Variants in PEBP4 observed in about 807,000 individuals in gnomAD.
PEBP4 encodes the protein phosphatidylethanolamine binding protein 4.
A neutral mutation model predicts 23.9 loss-of-function variants in PEBP4; 22 were observed. The ratio of observed to expected loss-of-function variants is 0.92; its 90% CI spans 0.66 to 1.31. The LOEUF is 1.31. Among genes scored for constraint, PEBP4 ranks in the 40% most tolerant of loss-of-function variants. The probability of loss-of-function intolerance (pLI) is 0.00; values close to 1 mark genes in which losing one functional copy is unlikely to be tolerated. For synonymous variants in PEBP4, 112 were observed against 99.3 expected (o/e 1.13, Z -0.76); for missense variants, 324 against 281.7 (o/e 1.15, Z -1.07).
chr8:22,753,797 T>A (rs1805317865), intron 4 of PEBP4, among the ~76,000 whole-genome samples: 1 of 152,096 alleles, frequency 6.6e-6, no homozygotes, highest in Non-Finnish European at 1.5e-5. Flanking sequence ...TCCCCGCCCT[T>A]GTGTGGGAGG....
intron 3 of PEBP4, among the ~76,000 whole-genome samples, chr8:22,847,469 C>T (rs1165471385): frequency 6.6e-6 from 1 of 152,132 alleles, no homozygotes; most frequent in Non-Finnish European, 1.5e-5. Context: ...GCAGGAAGAC[C>T]CCCAAGGGAC....
chr8:22,730,694 C>T (rs1804711529), intron 4 of PEBP4, among the ~76,000 whole-genome samples: 2 of 152,176 alleles, frequency 1.3e-5, no homozygotes, highest in South Asian at 4.1e-4. Flanking sequence ...TAGGAAAGTG[C>T]CCTGGGAGGA....
At chr8:22,721,886 C>A (rs1357331967) in intron 6 of PEBP4, among the ~76,000 whole-genome samples, 1 of 152,162 alleles carries the variant, frequency 6.6e-6, no homozygotes, top group Non-Finnish European at 1.5e-5. Flanking sequence ...CAGAGAGCAC[C>A]AGGCCCTGAG....
intron 3 of PEBP4, among the ~76,000 whole-genome samples, chr8:22,819,444 G>T (rs1310914335): frequency 6.6e-6 from 1 of 152,196 alleles, no homozygotes; most frequent in Non-Finnish European, 1.5e-5. Context: ...TATTTGGCTG[G>T]AATAGGCTGA....
At chr8:22,916,936 G>C (rs1413772856) in intron 3 of PEBP4, among the ~76,000 whole-genome samples, 1 of 152,208 alleles carries the variant, frequency 6.6e-6, no homozygotes, top group African/African-American at 2.4e-5. Flanking sequence ...AGGGATGTAG[G>C]TGGAGCCCAG....
chr8:22,807,881 A>G (rs1806533191), intron 4 of PEBP4, among the ~76,000 whole-genome samples: 2 of 150,906 alleles, frequency 1.3e-5, no homozygotes, highest in South Asian at 4.2e-4. Flanking sequence ...CTATCCATCC[A>G]TCCATCCATC....
At chr8:22,778,611 C>T (rs118108226) in intron 4 of PEBP4, among the ~76,000 whole-genome samples, 10 of 152,164 alleles carry the variant, frequency 6.6e-5, no homozygotes, top group African/African-American at 2.2e-4. Context: ...GCCTGTGATC[C>T]GGGGATGGGA....
intron 2 of PEBP4, chr8:22,925,019 C>T: frequency 2.0e-6 from 2 of 985,324 alleles, no homozygotes; most frequent in South Asian, 4.7e-5. Flanking sequence ...GGATCTCTTG[C>T]CAAGGTCAGA....
At chr8:22,776,351 G>A (rs7013223) in intron 4 of PEBP4, among the ~76,000 whole-genome samples, 1 of 152,082 alleles carries the variant, frequency 6.6e-6, no homozygotes, top group African/African-American at 2.4e-5. Flanking sequence ...AGAGGCCAAT[G>A]TATGTTGACG....
chr8:22,929,403 T>C (rs1420172262), upstream of PEBP4, among the ~76,000 whole-genome samples: 1 of 152,208 alleles, frequency 6.6e-6, no homozygotes, highest in Non-Finnish European at 1.5e-5. Context: ...GTCTCAACTT[T>C]TCTGGGTGTC....
chr8:22,912,499 G>C (rs1212797152), intron 3 of PEBP4, among the ~76,000 whole-genome samples: 2 of 152,238 alleles, frequency 1.3e-5, no homozygotes, highest in Non-Finnish European at 2.9e-5. Flanking sequence ...ATAGGTGAAA[G>C]GTAGTTGACT....
intron 4 of PEBP4, among the ~76,000 whole-genome samples, chr8:22,741,649 G>A (rs1373529312): frequency 6.6e-6 from 1 of 152,156 alleles, no homozygotes; most frequent in South Asian, 2.1e-4. Context: ...CCCCATCAGT[G>A]GGTGGCTGTC....
intron 2 of PEBP4, among the ~76,000 whole-genome samples, chr8:22,922,084 G>T (rs1317290273): frequency 6.6e-6 from 1 of 152,242 alleles, no homozygotes; most frequent in Non-Finnish European, 1.5e-5. Context: ...TGGGCACAGA[G>T]CCACAGAGAG....
intron 4 of PEBP4, among the ~76,000 whole-genome samples, chr8:22,803,547 C>T (rs1263915655): frequency 1.3e-5 from 2 of 152,016 alleles, no homozygotes; most frequent in Non-Finnish European, 1.5e-5. Context: ...GCTTATAATC[C>T]CAGCTACTCA....
chr8:22,824,164 A>G (rs1806919822), intron 3 of PEBP4, among the ~76,000 whole-genome samples: 1 of 152,216 alleles, frequency 6.6e-6, no homozygotes, highest in Non-Finnish European at 1.5e-5. Context: ...AAATGATGGG[A>G]TAATTATGAA....
intron 1 of PEBP4, among the ~76,000 whole-genome samples, chr8:22,937,794 ATGTATGTG>A (rs767146410): frequency 4.2e-4 from 31 of 74,370 alleles, no homozygotes; most frequent in African/African-American, 1.8e-3. Flanking sequence ...GTGTATGTGT[ATGTATGTG>A]TGTGTGTGTG....
chr8:22,920,045 A>T, intron 3 of PEBP4, 139 bp downstream of exon 3: 2 of 1,025,866 alleles, frequency 1.9e-6, no homozygotes, highest in Non-Finnish European at 2.8e-6. Flanking sequence ...GCACAACTTT[A>T]TGGCAACAGC....
intron 6 of PEBP4, among the ~76,000 whole-genome samples, chr8:22,723,579 T>A (rs1034875813): frequency 2.6e-5 from 4 of 152,222 alleles, no homozygotes; most frequent in Admixed American, 6.5e-5. Flanking sequence ...TCCCGACATC[T>A]TTGGTGAGAT....
chr8:22,922,062 T>C (rs1008024220), intron 2 of PEBP4, among the ~76,000 whole-genome samples: 2 of 152,338 alleles, frequency 1.3e-5, no homozygotes, highest in African/African-American at 4.8e-5. Context: ...ATCAAATTGT[T>C]ATTTGATGAG....
Sources: allele counts gnomAD v4.1 joint callset (sites outside exome capture counted in the v4.1 genomes callset), GRCh38; gene constraint gnomAD v4.1.1; transcripts MANE v1.5; gene names NCBI Gene and HGNC (gene_info 2026-07-23, HGNC 2026-07-21).